The following GNAI1 variants were observed in gnomAD, a reference collection of about 807,000 sequenced individuals.
GNAI1 encodes guanine nucleotide-binding protein G(i) subunit alpha-1.
In GNAI1, 11 loss-of-function variants were observed where a neutral mutation model predicts 38.9. That is an observed-to-expected ratio of 0.28 (90% confidence interval 0.18 to 0.47). GNAI1 has a LOEUF of 0.47. Ranked by LOEUF, GNAI1 falls within the 20% of genes least tolerant of loss-of-function variation. The probability of loss-of-function intolerance (pLI) is 0.99; values close to 1 mark genes in which losing one functional copy is unlikely to be tolerated. For synonymous variants in GNAI1, 166 were observed against 145.1 expected, an observed-to-expected ratio of 1.14 and a Z score of -1.04; for missense variants, 317 against 436.9, an observed-to-expected ratio of 0.73 and a Z score of 2.45.
At chr7:80,205,618 G>T (rs1788761254) in intron 5 of GNAI1, among the ~76,000 whole-genome samples, 4 of 151,866 alleles carry the variant, frequency 2.6e-5, no homozygotes. Flanking sequence ...GTTTAGTGGA[G>T]TTTTTTGGTT....
At chr7:80,204,301 C>T (rs1001349818) in intron 5 of GNAI1, among the ~76,000 whole-genome samples, 22 of 151,872 alleles carry the variant, frequency 1.4e-4, no homozygotes, top group Admixed American at 1.0e-3. Flanking sequence ...GAAGGTAGTC[C>T]TTATGCACTA....
At chr7:80,167,879 T>C (rs1472204473) in intron 1 of GNAI1, among the ~76,000 whole-genome samples, 1 of 152,246 alleles carries the variant, frequency 6.6e-6, no homozygotes, top group Admixed American at 6.5e-5. Context: ...TTTGTGTTTA[T>C]GTGGAAAATT....
chr7:80,197,721 T>C (rs2115662959), intron 3 of GNAI1, among the ~76,000 whole-genome samples: 1 of 152,188 alleles, frequency 6.6e-6, no homozygotes, highest in African/African-American at 2.4e-5. Flanking sequence ...CTCTTGTGAT[T>C]TGCTAAAAAG....
chr7:80,176,374 A>G (rs961745563), intron 1 of GNAI1, among the ~76,000 whole-genome samples: 1 of 152,256 alleles, frequency 6.6e-6, no homozygotes, highest in Non-Finnish European at 1.5e-5. Flanking sequence ...GTGCTGATGT[A>G]GAAGCAGCAG....
Position 80,205,123 on chromosome 7 carries a change from G to A in GNAI1, c.590+1291G>A, listed in dbSNP as rs532031427. Among the ~76,000 whole-genome samples, 177 of 152,184 alleles carry A rather than the reference G, an allele frequency of 1.2e-3. 8 individuals are homozygous for A. In the South Asian group the frequency reaches 0.035, roughly 30 times the overall value. On this transcript the variant is annotated intron_variant, in intron 5 of 7. Coordinates refer to ENST00000649796, the MANE Select transcript of GNAI1 (RefSeq NM_002069.6). Reference sequence around the variant, plus strand: ...AACACAAAGCCCTTGAACAGCTTTGGGAGGCCCGTCTGAAGTCAATGACTA... The same window carrying A: ...AACACAAAGCCCTTGAACAGCTTTGAGAGGCCCGTCTGAAGTCAATGACTA...
At chr7:80,168,710 G>A (rs1788054844) in intron 1 of GNAI1, among the ~76,000 whole-genome samples, 1 of 152,232 alleles carries the variant, frequency 6.6e-6, no homozygotes. Flanking sequence ...CAGTTCAGTG[G>A]CATTAAGTAC....
At chr7:80,217,045 C>G (rs755908951) in intron 7 of GNAI1, among the ~76,000 whole-genome samples, 5 of 151,942 alleles carry the variant, frequency 3.3e-5, no homozygotes, top group Non-Finnish European at 7.4e-5. Flanking sequence ...GAACAAAGAT[C>G]ATGATGAACA....
At chr7:80,207,898 C>G (rs1788801938) in intron 5 of GNAI1, among the ~76,000 whole-genome samples, 2 of 152,210 alleles carry the variant, frequency 1.3e-5, no homozygotes, top group African/African-American at 4.8e-5. Flanking sequence ...ATTAAAGAAT[C>G]AGCAACTGTG....
intron 3 of GNAI1, among the ~76,000 whole-genome samples, chr7:80,197,330 T>C (rs1004214569): frequency 2.0e-5 from 3 of 151,940 alleles, no homozygotes; most frequent in Non-Finnish European, 4.4e-5. Context: ...GATTTATAAA[T>C]ACAGCTTCCA....
At chr7:80,154,886 G>A (rs1217420064) in intron 1 of GNAI1, among the ~76,000 whole-genome samples, 2 of 151,942 alleles carry the variant, frequency 1.3e-5, no homozygotes, top group Non-Finnish European at 2.9e-5. Context: ...TGAAAGACTT[G>A]GATTTACAAC....
At chr7:80,145,824 A>T (rs995451346) in intron 1 of GNAI1, among the ~76,000 whole-genome samples, 1 of 151,738 alleles carries the variant, frequency 6.6e-6, no homozygotes, top group Non-Finnish European at 1.5e-5. Flanking sequence ...AATCCTGTAC[A>T]CCCTGGGTTG....
intron 7 of GNAI1, 67 bp from the exon 8 acceptor site, chr7:80,217,236 G>GACTTCAGTTTCATATGTATGAGAGTT: frequency 9.6e-7 from 1 of 1,046,528 alleles, no homozygotes; most frequent in Non-Finnish European, 1.4e-6. Flanking sequence ...GTATGAAACT[G>GACTTCAGTTTCATATGTATGAGAGTT]AATTCAGTAT....
At chr7:80,200,654 G>A (rs753157327) in intron 4 of GNAI1, among the ~76,000 whole-genome samples, 1 of 152,108 alleles carries the variant, frequency 6.6e-6, no homozygotes, top group Non-Finnish European at 1.5e-5. Flanking sequence ...TTCAGCATCA[G>A]ACTAGGTACT....
Position 80,180,344 on chromosome 7 carries a change from TGTG to T in GNAI1, c.119-8606_119-8604del, listed in dbSNP as rs1788270691. Reference sequence around the variant, plus strand: ...TAAAGTGTGTGTGTGTGTGTGTGTGTGTGTGTATATAAAGTGTAAATGTGAAGT... The same window carrying T: ...TAAAGTGTGTGTGTGTGTGTGTGTGTTGTATATAAAGTGTAAATGTGAAGT... On this transcript the variant is annotated intron_variant, in intron 1 of 7. Coordinates refer to ENST00000649796, the MANE Select transcript of GNAI1 (RefSeq NM_002069.6). Among the ~76,000 whole-genome samples the T allele has an allele frequency of 3.9e-5, 6 of 152,104 alleles. No individual in the cohort carries two copies. The East Asian group carries it at 1.2e-3, about 29-fold the overall frequency.
In GNAI1 at chr7:80,135,085, G is replaced by A; in HGVS notation, c.-76G>A. ...AGGCGTTCGAACGCCCGCTAGGAGAGAGAAAGGATTCCCCTGTGCTTGGAG... is the reference window on the plus strand; with the variant it reads ...AGGCGTTCGAACGCCCGCTAGGAGAAAGAAAGGATTCCCCTGTGCTTGGAG... On this transcript the variant is annotated 5_prime_UTR_variant, in exon 1 of 8. Transcript: ENST00000649796. The A allele has an allele frequency of 2.0e-6, 2 of 1,001,330 alleles. No individual in the cohort carries two copies. The highest frequency in any genetic ancestry group is 2.5e-5 in the South Asian group (1 of 40,466). The allele number at this position is 1,001,330 out of a possible 1,614,324, so 62.0% of individuals were successfully genotyped here.
chr7:80,160,303 C>T (rs1003820058), intron 1 of GNAI1, among the ~76,000 whole-genome samples: 11 of 151,794 alleles, frequency 7.2e-5, no homozygotes, highest in Non-Finnish European at 2.9e-5. Context: ...TTCTGGACCT[C>T]ATTTTGGTTA....
At position 80,218,281 on chromosome 7, in the gene GNAI1, C is replaced by T. The variant is rs1789008526; in HGVS notation, c.*788C>T. 1 of 152,050 alleles carries T rather than the reference C, an allele frequency of 6.6e-6. No individual in the cohort carries two copies. Among genetic ancestry groups the T allele is most frequent in the African/African-American group, 2.4e-5 (1 of 41,418 alleles). The allele number at this position is 152,050 out of a possible 1,614,324, so 9.4% of individuals were successfully genotyped here. A position where few individuals can be genotyped will look rare whatever the true frequency, so the allele number is the denominator to read the frequency against. ...TATACTGTCTTAGACTTATTGTACACACTTAGTTTTTATTCACTTGTTTTC... is the reference window on the plus strand; with the variant it reads ...TATACTGTCTTAGACTTATTGTACATACTTAGTTTTTATTCACTTGTTTTC... On this transcript the variant is annotated 3_prime_UTR_variant, in exon 8 of 8. Transcript: ENST00000649796.
chr7:80,222,960 T>G lies in GNAI1; in HGVS notation c.*5467T>G, dbSNP rs1230511237. On this transcript the variant is annotated 3_prime_UTR_variant, in exon 8 of 8. Transcript: ENST00000649796. ...TTAAAGGTGCTCAGAACACTTAGAT[T>G]AGCATACAGTTGGACAAGATAGCAT... Among the ~76,000 whole-genome samples the G allele has an allele frequency of 4.6e-5, 7 of 152,304 alleles. No homozygotes were observed. Among genetic ancestry groups the G allele is most frequent in the Admixed American group, 4.6e-4 (7 of 15,300 alleles).
intron 1 of GNAI1, among the ~76,000 whole-genome samples, chr7:80,185,338 G>A (rs1039610347): frequency 6.6e-6 from 1 of 152,044 alleles, no homozygotes; most frequent in African/African-American, 2.4e-5. Context: ...AGTATTTCTG[G>A]CCTTAGATTG....
Sources: gnomAD v4.1 joint callset for allele counts (sites outside exome capture counted in the v4.1 genomes callset) on GRCh38, gnomAD v4.1.1 for gene constraint, MANE v1.5 for transcripts, NCBI Gene and HGNC (gene_info 2026-07-23, HGNC 2026-07-21) for gene names.